ZMYND8: variants seen among roughly 807,000 people sequenced by gnomAD.
The protein encoded by ZMYND8 is zinc finger MYND-type containing 8.
A neutral mutation model predicts 140.8 loss-of-function variants in ZMYND8; 37 were observed. The ratio of observed to expected loss-of-function variants is 0.26; its 90% CI spans 0.20 to 0.35. The LOEUF (loss-of-function observed/expected upper bound fraction) is 0.35, where lower values mean the gene tolerates loss of function less well. Among genes scored for constraint, ZMYND8 ranks in the 10% least tolerant of loss-of-function variants. The pLI, the probability that ZMYND8 is intolerant of heterozygous loss-of-function variation, is 1.00. For synonymous variants in ZMYND8, 592 were observed against 597.1 expected (o/e 0.99, Z 0.12); for missense variants, 1,068 against 1,570.0 (o/e 0.68, Z 5.40).
At chr20:47,284,548 T>TG (rs2076807949) in intron 8 of ZMYND8, among the ~76,000 whole-genome samples, 1 of 152,176 alleles carries the variant, frequency 6.6e-6, no homozygotes, top group Non-Finnish European at 1.5e-5. Context: ...ACATGTGATC[T>TG]GGCCCCAGCC....
chr20:47,352,742 T>G (rs1602203848), intron 1 of ZMYND8: 2 of 159,752 alleles, frequency 1.3e-5, no homozygotes, highest in Non-Finnish European at 2.7e-5. Flanking sequence ...CGCCGGCCGG[T>G]AGGTAAGGTA....
intron 11 of ZMYND8, among the ~76,000 whole-genome samples, chr20:47,275,663 C>A (rs900475517): frequency 6.6e-6 from 1 of 152,114 alleles, no homozygotes; most frequent in Admixed American, 6.5e-5. Flanking sequence ...AATACAACAG[C>A]GCAATCATAG....
At chr20:47,340,660 G>A (rs181956599) in intron 2 of ZMYND8, among the ~76,000 whole-genome samples, 12 of 151,738 alleles carry the variant, frequency 7.9e-5, no homozygotes, top group East Asian at 3.9e-4. Context: ...TGGGTGTGGC[G>A]GCGTATGCCC....
At chr20:47,227,335 A>C in intron 17 of ZMYND8, 54 bp from the exon 18 acceptor site, 3 of 1,564,730 alleles carry the variant, frequency 1.9e-6, no homozygotes, top group Non-Finnish European at 2.6e-6. Flanking sequence ...GTTCACCAGG[A>C]GGGCTCAGAA....
chr20:47,276,925 A>AC, intron 10 of ZMYND8, 130 bp from the exon 11 acceptor site: 1 of 1,021,182 alleles, frequency 9.8e-7, no homozygotes, highest in Non-Finnish European at 1.3e-6. Context: ...AAAAAAAAAA[A>AC]AAAACTTGGT....
chr20:47,239,936 T>G (rs1413163323), intron 14 of ZMYND8, among the ~76,000 whole-genome samples: 2 of 152,292 alleles, frequency 1.3e-5, no homozygotes, highest in Non-Finnish European at 2.9e-5. Context: ...CAGGGGAAAT[T>G]TTTTTACTAA....
chr20:47,219,940 GAAAA>G (rs957605885), intron 21 of ZMYND8, among the ~76,000 whole-genome samples: 3 of 148,536 alleles, frequency 2.0e-5, no homozygotes, highest in African/African-American at 7.4e-5. Context: ...GAGAGAGAGA[GAAAA>G]AAAAAACTTC....
intron 3 of ZMYND8, among the ~76,000 whole-genome samples, chr20:47,301,017 C>T (rs1362654189): frequency 6.6e-6 from 1 of 151,780 alleles, no homozygotes; most frequent in Non-Finnish European, 1.5e-5. Flanking sequence ...TCCCAAATGC[C>T]TGGTATTTCC....
chr20:47,243,156 T>G (rs915971849), intron 14 of ZMYND8, among the ~76,000 whole-genome samples: 1 of 152,254 alleles, frequency 6.6e-6, no homozygotes, highest in East Asian at 1.9e-4. Flanking sequence ...AAGATTCATA[T>G]TCTACCCATA....
At chr20:47,253,922 A>C (rs374805847) in intron 12 of ZMYND8, among the ~76,000 whole-genome samples, 2 of 152,230 alleles carry the variant, frequency 1.3e-5, no homozygotes, top group South Asian at 4.1e-4. Context: ...TGTTATGTTT[A>C]TTCTTGTTAG....
At chr20:47,318,371 C>A (rs2079585899) in intron 2 of ZMYND8, 1 of 317,594 alleles carries the variant, frequency 3.1e-6, no homozygotes, top group Non-Finnish European at 6.1e-6. Context: ...TGGTTAATCA[C>A]TTCAAAGCGT....
chr20:47,216,644 C>T (rs2036164922), intron 21 of ZMYND8, among the ~76,000 whole-genome samples: 1 of 150,078 alleles, frequency 6.7e-6, no homozygotes, highest in African/African-American at 2.5e-5. Flanking sequence ...CCCATCTCTA[C>T]TAAAAATACA....
At chr20:47,243,191 G>A (rs2040171175) in intron 14 of ZMYND8, among the ~76,000 whole-genome samples, 1 of 152,230 alleles carries the variant, frequency 6.6e-6, no homozygotes, top group Admixed American at 6.5e-5. Flanking sequence ...TGGAAGGTAA[G>A]CTGGAGGTCA....
At chr20:47,281,396 T>C (rs993494920) in intron 10 of ZMYND8, among the ~76,000 whole-genome samples, 1 of 152,220 alleles carries the variant, frequency 6.6e-6, no homozygotes, top group East Asian at 1.9e-4. Context: ...CTCAAACTGA[T>C]TGGTAGGGCT....
chr20:47,351,249 G>A (rs1173997366), intron 1 of ZMYND8, among the ~76,000 whole-genome samples: 5 of 152,228 alleles, frequency 3.3e-5, no homozygotes, highest in East Asian at 1.9e-4. Context: ...GGGATGGTCC[G>A]TAATTCCCAG....
chr20:47,259,756 G>C (rs746832280), intron 12 of ZMYND8, among the ~76,000 whole-genome samples: 1 of 152,148 alleles, frequency 6.6e-6, no homozygotes, highest in Non-Finnish European at 1.5e-5. Context: ...AATGGGGCTG[G>C]AGTCTTTGTT....
intron 3 of ZMYND8, among the ~76,000 whole-genome samples, chr20:47,302,831 A>G (rs1354396828): frequency 6.6e-6 from 1 of 152,172 alleles, no homozygotes; most frequent in Non-Finnish European, 1.5e-5. Flanking sequence ...AGGGGAAAAA[A>G]CATCTGAAAA....
In ZMYND8 at chr20:47,210,911, C is replaced by G. The variant is rs1464612418; in HGVS notation, c.3569-14G>C. On this transcript the variant is annotated splice_polypyrimidine_tract_variant and intron_variant, in intron 22 of 22. Transcript: ENST00000471951. ...TCCGGGAATGGTCTGAGGGGGAAAA[C>G]CAATGTGTTTAGCGTGCCTGCCCAC... 2 of 1,612,458 alleles carry G rather than the reference C, an allele frequency of 1.2e-6. No individual in the cohort carries two copies. The highest frequency in any genetic ancestry group is 1.7e-6 in the Non-Finnish European group (2 of 1,178,622).
intron 19 of ZMYND8, among the ~76,000 whole-genome samples, chr20:47,222,449 T>A (rs916969944): frequency 2.0e-5 from 3 of 151,614 alleles, no homozygotes; most frequent in Non-Finnish European, 4.4e-5. Flanking sequence ...GGAAGGAGAA[T>A]GGCATGAGCC....
Sources: allele counts gnomAD v4.1 joint callset (sites outside exome capture counted in the v4.1 genomes callset), GRCh38; gene constraint gnomAD v4.1.1; transcripts MANE v1.5; gene names NCBI Gene and HGNC (gene_info 2026-07-23, HGNC 2026-07-21).